The following HIVEP2 variants were observed in gnomAD, a reference collection of about 807,000 sequenced individuals.
HIVEP2 encodes the protein HIVEP zinc finger 2.
Under a neutral mutation model 180.7 loss-of-function variants are expected in HIVEP2, and 14 were observed. The observed-to-expected ratio is 0.08, with a 90% CI of 0.05 to 0.12. The LOEUF is 0.12. Among genes scored for constraint, HIVEP2 ranks in the 10% least tolerant of loss-of-function variants. The pLI is 1.00. For missense variants in HIVEP2, 2,579 were observed against 3,008.5 expected, an observed-to-expected ratio of 0.86 and a Z score of 3.34; for synonymous variants, 1,184 against 1,136.4, an observed-to-expected ratio of 1.04 and a Z score of -0.84.
At chr6:142,793,661 T>C (rs1429574671) in intron 2 of HIVEP2, among the ~76,000 whole-genome samples, 110 of 108,946 alleles carry the variant, frequency 1.0e-3, no homozygotes, top group African/African-American at 3.4e-3. Flanking sequence ...TCTTTCTTTT[T>C]TCTTTCTTTC....
intron 2 of HIVEP2, among the ~76,000 whole-genome samples, chr6:142,835,664 C>G (rs1775203438): frequency 6.6e-6 from 1 of 152,112 alleles, no homozygotes; most frequent in African/African-American, 2.4e-5. Flanking sequence ...GTGCCCATAA[C>G]AATGAAAATT....
At chr6:142,848,564 A>G (rs1775572334) in intron 1 of HIVEP2, among the ~76,000 whole-genome samples, 1 of 152,008 alleles carries the variant, frequency 6.6e-6, no homozygotes, top group African/African-American at 2.4e-5. Flanking sequence ...TAAAAATAAA[A>G]ATTAAAAAAA....
Position 142,898,437 on chromosome 6 carries a change from A to G in HIVEP2, c.-641+46662T>C, listed in dbSNP as rs9386012. Among the ~76,000 whole-genome samples, 1,372 of 152,222 alleles carry G rather than the reference A, an allele frequency of 9.0e-3. 84 individuals carry two copies. In the East Asian group the frequency reaches 0.17, roughly 19 times the overall value. On this transcript the variant is annotated intron_variant, in intron 1 of 9. Coordinates refer to ENST00000367603, the MANE Select transcript of HIVEP2 (RefSeq NM_006734.4). ...AACATTTTGGGAGGCCGAGGCGGGC[A>G]AATCACCTGAGGTCAGGAGTTCAAG...
intron 2 of HIVEP2, among the ~76,000 whole-genome samples, chr6:142,795,021 A>G (rs1442725692): frequency 6.6e-6 from 1 of 152,138 alleles, no homozygotes; most frequent in Non-Finnish European, 1.5e-5. Context: ...ATAAATGTAA[A>G]CACTAAAGAG....
chr6:142,858,253 A>G (rs1775878482), intron 1 of HIVEP2, among the ~76,000 whole-genome samples: 1 of 152,098 alleles, frequency 6.6e-6, no homozygotes, highest in Non-Finnish European at 1.5e-5. Flanking sequence ...GGCAGTGCAC[A>G]CTGTAGCAGG....
chr6:142,773,585 A>T lies in HIVEP2; in HGVS notation c.1154T>A (p.Leu385His). ...EKKGQDSEPS[L>H]NLLSPHSKGS... Reference sequence around the variant, plus strand: ...TTTACTGTGCGGGCTCAGAAGGTTGAGCGATGGCTCAGAATCTTGTCCTTT... The same window carrying T: ...TTTACTGTGCGGGCTCAGAAGGTTGTGCGATGGCTCAGAATCTTGTCCTTT... Residue 385 changes from leucine to histidine, a missense_variant, in exon 5 of 10, where the codon CTC becomes CAC. Leu to His is a moderately conservative substitution (Grantham distance 99). This residue lies in a region of HIVEP2 where 47 missense variants were observed against 92.5 expected (regional missense o/e 0.51). Coordinates refer to ENST00000367603, the MANE Select transcript of HIVEP2 (RefSeq NM_006734.4). 6.2e-7 allele frequency: 1 copy of T among 1,614,228 alleles called. No homozygotes were observed. Among genetic ancestry groups the T allele is most frequent in the South Asian group, 1.1e-5 (1 of 91,076 alleles).
Position 142,760,674 on chromosome 6 carries a change from C to A in HIVEP2, c.5621-7G>T, listed in dbSNP as rs749037306. 7.6e-6 allele frequency: 12 copies of A among 1,577,776 alleles called. No homozygotes were observed. In the African/African-American group the frequency reaches 1.2e-4, roughly 16 times the overall value. On this transcript the variant is annotated splice_region_variant and splice_polypyrimidine_tract_variant and intron_variant, in intron 8 of 9. Coordinates refer to ENST00000367603, the MANE Select transcript of HIVEP2 (RefSeq NM_006734.4). ...TGCAAATCTTCCAAATTTTCTGAAA[C>A]AATTAAACAAAGATAATGGAGATCA...
At position 142,753,492 on chromosome 6, in the gene HIVEP2, T is replaced by A; in HGVS notation, c.6956A>T (p.Glu2319Val). 1 of 1,614,068 alleles carries A rather than the reference T, an allele frequency of 6.2e-7. No homozygotes were observed. Among genetic ancestry groups the A allele is most frequent in the Non-Finnish European group, 8.5e-7 (1 of 1,180,018 alleles). ...CTGTATATTTTCCTCCTGTTCCCGC[T>A]CTGTTGCGTTTAGGCTGTCTTCCGA... ...STSEDSLNAT[E>V]REQEENIQTC... Residue 2319 changes from glutamate to valine, a missense_variant, in exon 10 of 10, where the codon GAG becomes GTG. Glu to Val is a moderately radical substitution (Grantham distance 121). This residue lies in a region of HIVEP2 where 660 missense variants were observed against 731.7 expected (regional missense o/e 0.90). Coordinates refer to ENST00000367603, the MANE Select transcript of HIVEP2 (RefSeq NM_006734.4).
At chr6:142,754,681 A>G (rs1775019201) in intron 9 of HIVEP2, among the ~76,000 whole-genome samples, 1 of 152,252 alleles carries the variant, frequency 6.6e-6, no homozygotes, top group Non-Finnish European at 1.5e-5. Flanking sequence ...GACAGTTAAC[A>G]ACTTATATTC....
intron 2 of HIVEP2, among the ~76,000 whole-genome samples, chr6:142,832,214 C>CA (rs1775107379): frequency 1.4e-5 from 2 of 146,652 alleles, no homozygotes; most frequent in East Asian, 2.0e-4. Flanking sequence ...AAACAGAAAA[C>CA]AAAAAACAAA....
At chr6:142,784,143 T>C (rs1477339829) in intron 2 of HIVEP2, among the ~76,000 whole-genome samples, 2 of 152,206 alleles carry the variant, frequency 1.3e-5, no homozygotes, top group African/African-American at 2.4e-5. Context: ...TTTTCATATA[T>C]GGAATTAATA....
intron 3 of HIVEP2, among the ~76,000 whole-genome samples, chr6:142,779,843 T>A (rs1775802165): frequency 2.0e-5 from 3 of 152,114 alleles, no homozygotes; most frequent in African/African-American, 7.2e-5. Flanking sequence ...ATATAGTAAA[T>A]GCATCAAATA....
chr6:142,770,920 G>A lies in HIVEP2; in HGVS notation c.3819C>T (p.His1273=). Residue 1273 remains histidine, a synonymous_variant, in exon 5 of 10, where the codon CAC becomes CAT. Coordinates refer to ENST00000367603, the MANE Select transcript of HIVEP2 (RefSeq NM_006734.4). This position sits in a 1 kb window ranked among gnomAD's most constrained non-coding sequence, Gnocchi z 4.7. ...HTGKKPAEYA[H]TKEQTYPCYS... ...AACATGGGTAGGTCTGCTCTTTCGT[G>A]TGTGCATACTCAGCAGGTTTCTTTC... The A allele has an allele frequency of 6.2e-7, 1 of 1,614,214 alleles. No individual in the cohort carries two copies. Among genetic ancestry groups the A allele is most frequent in the Non-Finnish European group, 8.5e-7 (1 of 1,180,038 alleles).
chr6:142,756,391 G>A (rs897323105), intron 9 of HIVEP2, among the ~76,000 whole-genome samples: 1 of 152,192 alleles, frequency 6.6e-6, no homozygotes, highest in African/African-American at 2.4e-5. Context: ...CATGCCAGCA[G>A]GAGGCTTGTC....
At chr6:142,847,341 A>G (rs1249137172) in intron 1 of HIVEP2, among the ~76,000 whole-genome samples, 3 of 152,082 alleles carry the variant, frequency 2.0e-5, no homozygotes, top group Non-Finnish European at 4.4e-5. Flanking sequence ...CATCTTTTCT[A>G]TTCGGTTTTC....
At chr6:142,868,125 A>G (rs1582926927) in intron 1 of HIVEP2, among the ~76,000 whole-genome samples, 1 of 152,302 alleles carries the variant, frequency 6.6e-6, no homozygotes. Flanking sequence ...CACAATGCTT[A>G]AACAATAGTT....
intron 9 of HIVEP2, among the ~76,000 whole-genome samples, chr6:142,758,124 A>G (rs1038478794): frequency 2.6e-5 from 4 of 152,332 alleles, no homozygotes; most frequent in South Asian, 4.1e-4. Context: ...TTCTCTATTC[A>G]TGCTGCAATG....
At chr6:142,779,614 T>C (rs1259594951) in intron 3 of HIVEP2, 1 of 151,964 alleles carries the variant, frequency 6.6e-6, no homozygotes, top group Non-Finnish European at 1.5e-5. Flanking sequence ...AGTGAGACTA[T>C]CTCAAAACAA....
At chr6:142,857,048 G>A (rs1384559171) in intron 1 of HIVEP2, among the ~76,000 whole-genome samples, 3 of 152,124 alleles carry the variant, frequency 2.0e-5, no homozygotes, top group Non-Finnish European at 4.4e-5. Flanking sequence ...GTTCAGAAAC[G>A]TAGTGGTGAT....
Sources: allele counts gnomAD v4.1 joint callset (sites outside exome capture counted in the v4.1 genomes callset), GRCh38; gene constraint gnomAD v4.1.1; regional missense constraint gnomAD v4.1.1; non-coding constraint Gnocchi (gnomAD v3.1); transcripts MANE v1.5; gene names NCBI Gene and HGNC (gene_info 2026-07-23, HGNC 2026-07-21).